PER2: variants seen among roughly 807,000 people sequenced by gnomAD.
The protein encoded by PER2 is period circadian protein homolog 2.
PER2 carries 66 observed loss-of-function variants against 121.0 expected under a neutral mutation model. That is an observed-to-expected ratio of 0.55 (90% CI 0.45 to 0.67). PER2 has a LOEUF of 0.67. Among genes scored for constraint, PER2 ranks in the 30% least tolerant of loss-of-function variants. PER2 has a pLI of 0.00. For synonymous variants in PER2, 684 were observed against 659.9 expected, an observed-to-expected ratio of 1.04 and a Z score of -0.56; for missense variants, 1,521 against 1,635.0, an observed-to-expected ratio of 0.93 and a Z score of 1.20.
chr2:238,270,415 A>C (rs1553604257), intron 6 of PER2, among the ~76,000 whole-genome samples: 1 of 150,958 alleles, frequency 6.6e-6, no homozygotes, highest in South Asian at 2.1e-4. Flanking sequence ...TTTCGTGGGA[A>C]TCTAAACTAA....
intron 4 of PER2, among the ~76,000 whole-genome samples, chr2:238,275,509 T>C (rs1696424445): frequency 6.6e-6 from 1 of 152,160 alleles, no homozygotes; most frequent in Non-Finnish European, 1.5e-5. Context: ...GGCAACATAG[T>C]GAGACCCCAT....
At position 238,260,862 on chromosome 2, in the gene PER2, C is replaced by T. The variant is rs1695904474; in HGVS notation, c.1508G>A (p.Ser503Asn). ...CCGGCGTGAGTCCTCATGGCCGTTGCTGTCGCTGGAGGAGGTCTGGCTCAT... is the reference window on the plus strand; with the variant it reads ...CCGGCGTGAGTCCTCATGGCCGTTGTTGTCGCTGGAGGAGGTCTGGCTCAT... ...HLMSQTSSSD[S>N]NGHEDSRRRR... The change falls in exon 13 of 23, where the codon AGC becomes AAC. Residue 503 changes from serine to asparagine, a missense_variant. Transcript: ENST00000254657. 1 of 1,613,928 alleles carries T rather than the reference C, an allele frequency of 6.2e-7. No individual in the cohort carries two copies. Among genetic ancestry groups the T allele is most frequent in the Non-Finnish European group, 8.5e-7 (1 of 1,180,008 alleles).
rs759238376 is a variant in PER2 at position 238,268,217 on chromosome 2, C to G, written c.825-19G>C. 1 of 1,613,194 alleles carries G rather than the reference C, an allele frequency of 6.2e-7. No individual in the cohort carries two copies. The highest frequency in any genetic ancestry group is 8.5e-7 in the Non-Finnish European group (1 of 1,179,806). The stretch of plus-strand genomic sequence containing the variant: ...CCGGACACTGCGGAGAAGAGCCACG[C>G]TCTAAGTTGGGAACTGTGACACAGG... On this transcript the variant is annotated intron_variant, in intron 7 of 22. Transcript: ENST00000254657. This position sits in a 1 kb window ranked among gnomAD's most constrained non-coding sequence, Gnocchi z 4.0.
At chr2:238,274,198 G>A (rs1478795749) in intron 4 of PER2, among the ~76,000 whole-genome samples, 3 of 152,232 alleles carry the variant, frequency 2.0e-5, no homozygotes, top group Admixed American at 6.5e-5. Context: ...TGTATCCGGC[G>A]GGCTCTGGGG....
chr2:238,250,865 T>C (rs1695579253), intron 20 of PER2, 122 bp from the exon 21 acceptor site: 2 of 706,884 alleles, frequency 2.8e-6, no homozygotes, highest in African/African-American at 1.7e-5. Flanking sequence ...GTATTGGGTA[T>C]CTATGCCGGT....
chr2:238,258,630 G>T lies in PER2; in HGVS notation c.1642C>A (p.Pro548Thr), dbSNP rs924639009. ...GGGACAGCTTTCTTCTCAGCTGGGG[G>T]ATTAGTTTGCATTTCTGAAGGAATG... ...KKSVTEMQTN[P>T]PAEKKAVPAM... is the part of the protein sequence containing the mutation. Residue 548 changes from proline (P) to threonine (T), a missense_variant, in exon 15 of 23, where the codon CCC (proline) becomes ACC (threonine). Physicochemically the swap from Pro to Thr is conservative, Grantham distance 38 (BLOSUM62 -1). Transcript: ENST00000254657. 1.9e-6 allele frequency: 3 copies of T among 1,613,918 alleles called. No individual in the cohort carries two copies. Among genetic ancestry groups the T allele is most frequent in the Non-Finnish European group, 2.5e-6 (3 of 1,180,008 alleles).
rs372139867 is a variant in PER2 at position 238,253,158 on chromosome 2, G to C, written c.2865C>G (p.Ile955Met). The C allele has an allele frequency of 4.4e-6, 7 of 1,597,116 alleles. No individual in the cohort carries two copies. The African/African-American group carries it at 6.7e-5, about 15-fold the overall frequency. The change falls in exon 19 of 23, where the codon ATC becomes ATG. Residue 955 changes from isoleucine (I) to methionine (M), a missense_variant. Transcript: ENST00000254657. This position sits in a 1 kb window ranked among gnomAD's most constrained non-coding sequence, Gnocchi z 5.6. ...SQPEFPSRTS[I>M]PRQPCACPAT... ...CTGGACAAGCACATGGCTGTCTGGG[G>C]ATCGAGGTCCGGCTGGGGAACTCAG...
At chr2:238,298,891 A>T in the PER2 span, 1 of 152,214 alleles carries the variant, frequency 6.6e-6, no homozygotes, top group Non-Finnish European at 1.5e-5. Context: ...TTCCTTGCCA[A>T]CCTAAGACAA....
intron 8 of PER2, among the ~76,000 whole-genome samples, chr2:238,266,155 G>T (rs778916153): frequency 3.9e-5 from 6 of 151,940 alleles, no homozygotes; most frequent in East Asian, 1.9e-4. Context: ...CGCCCACCTT[G>T]GCCTCCCAAA....
intron 4 of PER2, among the ~76,000 whole-genome samples, chr2:238,274,901 A>G (rs968285699): frequency 6.6e-6 from 1 of 152,230 alleles, no homozygotes; most frequent in African/African-American, 2.4e-5. Context: ...CAAGAGTCCA[A>G]GCTAGCACAT....
At chr2:238,254,056 C>G (rs1695690106) in intron 18 of PER2, 1 of 299,844 alleles carries the variant, frequency 3.3e-6, no homozygotes, top group Admixed American at 5.0e-5. Context: ...TGCTGTTCCC[C>G]AGTATTTGGG....
chr2:238,246,208 G>A lies in PER2; in HGVS notation c.*167C>T, dbSNP rs1695442310. 4.2e-6 allele frequency: 2 copies of A among 481,308 alleles called. No individual in the cohort carries two copies. The highest frequency in any genetic ancestry group is 3.9e-5 in the African/African-American group (2 of 51,020). The allele number at this position is 481,308 out of a possible 1,614,324, so 29.8% of individuals were successfully genotyped here. A position where few individuals can be genotyped will look rare whatever the true frequency, so the allele number is the denominator to read the frequency against. Reference sequence around the variant, plus strand: ...TTCCGAACTCTCCCCACTCTCCACAGTTTTAAGTCGCCCCTTCAGAAAACT... The same window carrying A: ...TTCCGAACTCTCCCCACTCTCCACAATTTTAAGTCGCCCCTTCAGAAAACT... On this transcript the variant is annotated 3_prime_UTR_variant, in exon 23 of 23. Coordinates refer to ENST00000254657, the MANE Select transcript of PER2 (RefSeq NM_022817.3).
chr2:238,289,060 T>C (rs1341008033), upstream of PER2: 2 of 152,216 alleles, frequency 1.3e-5, no homozygotes, highest in Non-Finnish European at 2.9e-5. Flanking sequence ...TTCCATTCAC[T>C]ACGCCCTCAA....
intron 6 of PER2, among the ~76,000 whole-genome samples, chr2:238,271,023 C>T (rs543609027): frequency 9.8e-5 from 15 of 152,360 alleles, no homozygotes; most frequent in Admixed American, 4.6e-4. Context: ...CGGCCTCCCA[C>T]GACTGCAATC....
Position 238,253,436 on chromosome 2 carries a change from C to T in PER2, c.2587G>A (p.Gly863Arg), listed in dbSNP as rs1223809758. The T allele has an allele frequency of 6.2e-7, 1 of 1,612,336 alleles. No individual in the cohort carries two copies. The highest frequency in any genetic ancestry group is 1.3e-5 in the African/African-American group (1 of 74,896). ...AYSLPVFPAPGTVAAPPAPPH... is the reference protein window; with the variant it reads ...AYSLPVFPAPRTVAAPPAPPH... ...GGTGCCGGGGGTGCTGCCACAGTCC[C>T]TGGCGCTGGAAACACGGGCAGTGAA... Residue 863 changes from glycine to arginine, a missense_variant, in exon 19 of 23, where the codon GGG (glycine) becomes AGG (arginine). Transcript: ENST00000254657. The surrounding 1 kb of genome is among the most constrained non-coding windows in gnomAD (Gnocchi z 5.6).
chr2:238,273,498 C>CT (rs35748668), intron 4 of PER2, among the ~76,000 whole-genome samples: 14,191 of 139,022 alleles, frequency 0.1, 749 homozygotes, highest in South Asian at 0.13. Context: ...CCAGAAGGGG[C>CT]TTTTTTTTTT....
In PER2 at chr2:238,262,496, T is replaced by C. The variant is rs1249763781; in HGVS notation, c.1154-152A>G. 2.9e-5 allele frequency: 21 copies of C among 716,746 alleles called. No homozygotes were observed. The East Asian group carries it at 5.7e-4, about 19-fold the overall frequency. 44.4% of individuals were successfully genotyped at this position (716,746 alleles called of 1,614,324 possible). A position where few individuals can be genotyped will look rare whatever the true frequency, so the allele number is the denominator to read the frequency against. ...CAAAGCCACTGCTTTCAACCTCCTGTTTTTGCTGTAGATTACCAGGAGGCT... is the reference window on the plus strand; with the variant it reads ...CAAAGCCACTGCTTTCAACCTCCTGCTTTTGCTGTAGATTACCAGGAGGCT... On this transcript the variant is annotated intron_variant, in intron 10 of 22. Coordinates refer to ENST00000254657, the MANE Select transcript of PER2 (RefSeq NM_022817.3).
chr2:238,285,693 G>A (rs1696761500), intron 1 of PER2, among the ~76,000 whole-genome samples: 1 of 129,512 alleles, frequency 7.7e-6, no homozygotes. Flanking sequence ...GCAGGACAGT[G>A]CCAGCCCCCC....
chr2:238,269,644 CAACT>C (rs1176285892), intron 6 of PER2, among the ~76,000 whole-genome samples: 2 of 150,914 alleles, frequency 1.3e-5, no homozygotes, highest in African/African-American at 4.9e-5. Flanking sequence ...GCAAACACAC[CAACT>C]AACCTACAAC....
Sources: allele counts gnomAD v4.1 joint callset (sites outside exome capture counted in the v4.1 genomes callset), GRCh38; gene constraint gnomAD v4.1.1; non-coding constraint Gnocchi (gnomAD v3.1); transcripts MANE v1.5; gene names NCBI Gene and HGNC (gene_info 2026-07-23, HGNC 2026-07-21).